ENTREP2: variants seen among roughly 807,000 people sequenced by gnomAD.
ENTREP2 encodes protein ENTREP2.
At chr15:29,611,071 T>A in the ENTREP2 span, 1 of 152,222 alleles carries the variant, frequency 6.6e-6, no homozygotes, top group Non-Finnish European at 1.5e-5. Flanking sequence ...GTCCTTTATG[T>A]CTCTTTAGTC....
chr15:29,326,207 A>G, the ENTREP2 span, among the ~76,000 whole-genome samples: 2 of 152,174 alleles, frequency 1.3e-5, no homozygotes, highest in Non-Finnish European at 2.9e-5. Flanking sequence ...GTTCAACATC[A>G]TATTAGAAGT....
chr15:29,534,181 C>G, the ENTREP2 span, among the ~76,000 whole-genome samples: 1 of 149,172 alleles, frequency 6.7e-6, no homozygotes, highest in African/African-American at 2.5e-5. Context: ...AGGAGCTCAC[C>G]GGAACGTGGG....
chr15:29,530,127 G>A, the ENTREP2 span, among the ~76,000 whole-genome samples: 11 of 152,160 alleles, frequency 7.2e-5, no homozygotes, highest in Admixed American at 1.3e-4. Flanking sequence ...TACGGAAGGC[G>A]CCTAGGTGGG....
At chr15:29,225,322 A>G in the ENTREP2 span, among the ~76,000 whole-genome samples, 356 of 152,350 alleles carry the variant, frequency 2.3e-3, 1 homozygote, top group African/African-American at 8.2e-3. Context: ...GAAGCAGGAG[A>G]AGTCCCGCCC....
the ENTREP2 span, among the ~76,000 whole-genome samples, chr15:29,304,456 T>C: frequency 2.0e-5 from 3 of 152,064 alleles, no homozygotes; most frequent in African/African-American, 7.2e-5. Flanking sequence ...CAGACCACAG[T>C]GCAATAAAAA....
At chr15:29,135,199 C>A in the ENTREP2 span, among the ~76,000 whole-genome samples, 1 of 152,016 alleles carries the variant, frequency 6.6e-6, no homozygotes, top group Non-Finnish European at 1.5e-5. The surrounding 1 kb of genome is among the most constrained non-coding windows in gnomAD (Gnocchi z 7.4). Flanking sequence ...CCCAGCCATG[C>A]CCCAGTCCCC....
the ENTREP2 span, among the ~76,000 whole-genome samples, chr15:29,126,848 C>A: frequency 1.3e-5 from 2 of 152,188 alleles, no homozygotes; most frequent in Admixed American, 6.5e-5. Context: ...CACCAGGTCG[C>A]GGCAGGCCAG....
chr15:29,118,512 G>A, the ENTREP2 span, among the ~76,000 whole-genome samples: 1 of 152,228 alleles, frequency 6.6e-6, no homozygotes, highest in South Asian at 2.1e-4. Context: ...TGTCAGCTGG[G>A]CAACGCCCCG....
At chr15:29,472,845 C>A in the ENTREP2 span, among the ~76,000 whole-genome samples, 1 of 152,134 alleles carries the variant, frequency 6.6e-6, no homozygotes, top group Non-Finnish European at 1.5e-5. Flanking sequence ...TCCCTTTTAT[C>A]CATTTTTTAA....
the ENTREP2 span, among the ~76,000 whole-genome samples, chr15:29,657,122 A>G: frequency 6.6e-6 from 1 of 151,738 alleles, no homozygotes; most frequent in Non-Finnish European, 1.5e-5. Flanking sequence ...GTCTTGGCTC[A>G]CTGCAAGCTC....
At chr15:29,262,471 G>A in the ENTREP2 span, among the ~76,000 whole-genome samples, 2 of 152,310 alleles carry the variant, frequency 1.3e-5, no homozygotes, top group Non-Finnish European at 2.9e-5. Context: ...TTTCTGCACA[G>A]TTGTCAATCA....
At chr15:29,224,238 G>A in the ENTREP2 span, among the ~76,000 whole-genome samples, 2 of 152,134 alleles carry the variant, frequency 1.3e-5, no homozygotes, top group East Asian at 3.9e-4. Context: ...TCCTCCCGGT[G>A]GGTTCGTGGT....
At chr15:29,484,238 G>C in the ENTREP2 span, among the ~76,000 whole-genome samples, 2 of 152,154 alleles carry the variant, frequency 1.3e-5, no homozygotes, top group African/African-American at 4.8e-5. Context: ...CTACCCTATG[G>C]CCCTTCCATT....
At chr15:29,363,097 C>T in the ENTREP2 span, among the ~76,000 whole-genome samples, 1 of 152,058 alleles carries the variant, frequency 6.6e-6, no homozygotes, top group Non-Finnish European at 1.5e-5. Context: ...CACCCTACTT[C>T]CTTCTTTTCT....
the ENTREP2 span, among the ~76,000 whole-genome samples, chr15:29,392,714 T>C: frequency 6.6e-6 from 1 of 152,246 alleles, no homozygotes; most frequent in Non-Finnish European, 1.5e-5. Context: ...TTTCATTCGT[T>C]CTGGAAATTT....
the ENTREP2 span, among the ~76,000 whole-genome samples, chr15:29,453,905 G>T: frequency 5.1e-3 from 777 of 152,316 alleles, 6 homozygotes; most frequent in African/African-American, 0.018. Context: ...AGATATTCAA[G>T]CTGCATCCAA....
the ENTREP2 span, among the ~76,000 whole-genome samples, chr15:29,263,214 A>T: frequency 6.6e-6 from 1 of 152,232 alleles, no homozygotes; most frequent in African/African-American, 2.4e-5. Context: ...CTACCCACAA[A>T]AAACACCAGG....
At chr15:29,622,423 G>T in the ENTREP2 span, among the ~76,000 whole-genome samples, 1 of 152,076 alleles carries the variant, frequency 6.6e-6, no homozygotes, top group African/African-American at 2.4e-5. Flanking sequence ...GACCAGGCTG[G>T]TTTTGAACTC....
the ENTREP2 span, among the ~76,000 whole-genome samples, chr15:29,190,258 C>G: frequency 5.9e-5 from 9 of 152,276 alleles, no homozygotes; most frequent in South Asian, 1.9e-3. Context: ...TCCAGGTCCC[C>G]TCTGTGCCCT....
Sources: allele counts gnomAD v4.1 joint callset (sites outside exome capture counted in the v4.1 genomes callset), GRCh38; gene constraint gnomAD v4.1.1; non-coding constraint Gnocchi (gnomAD v3.1); transcripts MANE v1.5; gene names NCBI Gene and HGNC (gene_info 2026-07-23, HGNC 2026-07-21).